Variants in ATP2C2 observed in about 807,000 individuals in gnomAD.
ATP2C2 encodes the protein calcium-transporting ATPase type 2C member 2.
Under a neutral mutation model 110.8 loss-of-function variants are expected in ATP2C2, and 171 were observed. The observed-to-expected ratio is 1.54, with a 90% CI of 1.36 to 1.75. The LOEUF (loss-of-function observed/expected upper bound fraction) is 1.75. Ranked by LOEUF, ATP2C2 falls within the 40% of genes most tolerant of loss-of-function variation. The probability of loss-of-function intolerance (pLI) is 0.00; values close to 1 mark genes in which losing one functional copy is unlikely to be tolerated. For synonymous variants in ATP2C2, 804 were observed against 508.4 expected, an observed-to-expected ratio of 1.58 and a Z score of -7.82; for missense variants, 1,963 against 1,235.0, an observed-to-expected ratio of 1.59 and a Z score of -8.84.
At chr16:84,390,062 C>T (rs1567689824) in intron 1 of ATP2C2, among the ~76,000 whole-genome samples, 2 of 152,206 alleles carry the variant, frequency 1.3e-5, no homozygotes, top group Admixed American at 6.5e-5. Flanking sequence ...TGGACCCCGG[C>T]TGTTATACCC....
At chr16:84,460,902 G>A in intron 24 of ATP2C2, 101 bp downstream of exon 24, 1 of 1,436,764 alleles carries the variant, frequency 7.0e-7, no homozygotes, top group Non-Finnish European at 9.4e-7. Context: ...ATCTGGGAGA[G>A]GCAAACATGT....
chr16:84,461,219 C>G, intron 24 of ATP2C2: 1 of 259,758 alleles, frequency 3.8e-6, no homozygotes, highest in Non-Finnish European at 7.3e-6. Flanking sequence ...TCAGGGAGCT[C>G]TATGCCAGGA....
intron 1 of ATP2C2, among the ~76,000 whole-genome samples, chr16:84,390,472 G>A (rs1904586074): frequency 6.6e-6 from 1 of 152,218 alleles, no homozygotes; most frequent in South Asian, 2.1e-4. Context: ...TAGGGAGGCT[G>A]CGCTCACCGT....
chr16:84,422,463 T>G lies in ATP2C2; in HGVS notation c.698T>G (p.Leu233Trp), dbSNP rs777512574. Residue 233 changes from leucine (L) to tryptophan (W), a missense_variant, in exon 8 of 27, where the codon TTG (leucine) becomes TGG (tryptophan). By Grantham distance (61) the Leu-to-Trp change is moderately conservative. Coordinates refer to ENST00000262429, the MANE Select transcript of ATP2C2 (RefSeq NM_014861.4). ...CCATGTAGTAAAACAGACAGCCCCT[T>G]GACAGGCGGTGGGGACCTCACCACC... ...AEPCSKTDSP[L>W]TGGGDLTTLS... 1.6e-5 allele frequency: 26 copies of G among 1,614,016 alleles called. No homozygotes were observed. The highest frequency in any genetic ancestry group is 2.2e-5 in the Non-Finnish European group (26 of 1,180,026).
chr16:84,460,286 T>C lies in ATP2C2; in HGVS notation c.2334-368T>C, dbSNP rs1451627266. 1.6e-5 allele frequency: 5 copies of C among 320,986 alleles called. No homozygotes were observed. The East Asian group carries it at 2.4e-4, about 16-fold the overall frequency. The allele number at this position is 320,986 out of a possible 1,614,324, so 19.9% of individuals were successfully genotyped here. ...GGAGTTGGCTGGAGGCTGGTCTCTC[T>C]CAGCTGATGAGGGGCTCTGCGGAGG... On this transcript the variant is annotated intron_variant, in intron 23 of 26. Coordinates refer to ENST00000262429, the MANE Select transcript of ATP2C2 (RefSeq NM_014861.4).
chr16:84,387,525 A>C (rs564089982), intron 1 of ATP2C2, among the ~76,000 whole-genome samples: 4 of 152,202 alleles, frequency 2.6e-5, no homozygotes, highest in Admixed American at 2.6e-4. Flanking sequence ...AAAAACAAGA[A>C]AGATCAAACT....
chr16:84,412,277 C>T (rs72804693), intron 6 of ATP2C2, among the ~76,000 whole-genome samples: 5 of 111,992 alleles, frequency 4.5e-5, no homozygotes, highest in Admixed American at 2.0e-4. Flanking sequence ...TATGTGTGTA[C>T]GTGTGTGCAC....
chr16:84,413,545 C>T (rs983829421), intron 6 of ATP2C2, among the ~76,000 whole-genome samples: 3 of 152,090 alleles, frequency 2.0e-5, no homozygotes, highest in Non-Finnish European at 2.9e-5. Flanking sequence ...ACTGAGCAAA[C>T]GGAAGCATAA....
intron 6 of ATP2C2, among the ~76,000 whole-genome samples, chr16:84,412,107 G>A (rs1405093846): frequency 6.6e-6 from 1 of 152,048 alleles, no homozygotes; most frequent in Non-Finnish European, 1.5e-5. Context: ...CCTGCCTCCA[G>A]GGCTCAAGTG....
rs16973859 is a variant in ATP2C2, at chr16:84,462,127, T to C, written c.2720T>C (p.Leu907Pro). Residue 907 changes from leucine to proline, a missense_variant and splice_region_variant, in exon 26 of 27, where the codon CTT becomes CCT. Transcript: ENST00000262429. ...RVFQTENLGALDLLFLTGLAS... is the reference protein window; with the variant it reads ...RVFQTENLGAPDLLFLTGLAS... Reference sequence around the variant, plus strand: ...TTCCAGACGGAGAACCTGGGAGCGCTTGGTGAGTGGTGGGGACGGGAACGA... The same window carrying C: ...TTCCAGACGGAGAACCTGGGAGCGCCTGGTGAGTGGTGGGGACGGGAACGA... 3.5e-3 allele frequency: 5,697 copies of C among 1,612,776 alleles called. 142 individuals are homozygous for C. The African/African-American group carries it at 0.054, about 15-fold the overall frequency.
At chr16:84,393,991 A>T (rs1430505885) in intron 1 of ATP2C2, among the ~76,000 whole-genome samples, 1 of 149,388 alleles carries the variant, frequency 6.7e-6, no homozygotes, top group African/African-American at 2.5e-5. Flanking sequence ...CCTTGTCTCA[A>T]TTAAAAATAC....
intron 3 of ATP2C2, among the ~76,000 whole-genome samples, chr16:84,406,324 G>C (rs988715186): frequency 6.6e-6 from 1 of 152,358 alleles, no homozygotes; most frequent in East Asian, 1.9e-4. Context: ...GAAAGGCTCA[G>C]TGAACAGGCA....
chr16:84,375,367 C>T (rs1158850406), intron 1 of ATP2C2, among the ~76,000 whole-genome samples: 1 of 152,068 alleles, frequency 6.6e-6, no homozygotes, highest in East Asian at 1.9e-4. Context: ...CGTGGTGAAA[C>T]CTCGTCTCTA....
At chr16:84,413,147 C>T (rs1906533532) in intron 6 of ATP2C2, among the ~76,000 whole-genome samples, 1 of 151,146 alleles carries the variant, frequency 6.6e-6, no homozygotes, top group African/African-American at 2.4e-5. Flanking sequence ...CTGGGAACAA[C>T]TCAGCCCACC....
intron 21 of ATP2C2, 139 bp from the exon 22 acceptor site, chr16:84,458,981 T>A (rs1313050106): frequency 5.7e-6 from 5 of 882,436 alleles, no homozygotes; most frequent in South Asian, 3.1e-5. Context: ...TCCCCAAGAA[T>A]GCCAGCAAGG....
intron 1 of ATP2C2, among the ~76,000 whole-genome samples, chr16:84,379,632 C>T (rs972210707): frequency 1.3e-5 from 2 of 152,138 alleles, no homozygotes; most frequent in East Asian, 1.9e-4. Context: ...CAAGCCTCGC[C>T]GGGGGGTTCT....
At chr16:84,453,510 C>G (rs1464863382) in intron 20 of ATP2C2, 139 bp downstream of exon 20, 3 of 1,161,402 alleles carry the variant, frequency 2.6e-6, no homozygotes, top group Non-Finnish European at 2.5e-6. Context: ...GGCAGCTGCC[C>G]CGGGAGTTAC....
At chr16:84,461,002 G>T (rs896116711) in intron 24 of ATP2C2, 1 of 714,952 alleles carries the variant, frequency 1.4e-6, no homozygotes, top group African/African-American at 1.8e-5. Flanking sequence ...AGGTCGCCAG[G>T]TGTGTGCCTG....
At chr16:84,459,737 G>A (rs1911086293) in intron 23 of ATP2C2, 4 of 684,116 alleles carry the variant, frequency 5.8e-6, no homozygotes, top group Non-Finnish European at 9.7e-6. Context: ...CCCTCACCCT[G>A]CTGTATTTTT....
Sources: allele counts gnomAD v4.1 joint callset (sites outside exome capture counted in the v4.1 genomes callset), GRCh38; gene constraint gnomAD v4.1.1; transcripts MANE v1.5; gene names NCBI Gene and HGNC (gene_info 2026-07-23, HGNC 2026-07-21).